PGPEP1L: variants seen among roughly 807,000 people sequenced by gnomAD.
PGPEP1L encodes the protein pyroglutamyl-peptidase 1-like protein.
PGPEP1L carries 7 observed loss-of-function variants against 6.0 expected under a neutral mutation model. That is an observed-to-expected ratio of 1.17 (90% confidence interval 0.66 to 2.19). PGPEP1L has a LOEUF of 2.19. PGPEP1L is among the 30% of genes most tolerant of loss of function. The pLI is 0.00. For missense variants in PGPEP1L, 209 were observed against 192.5 expected (o/e 1.09, Z -0.51); for synonymous variants, 103 against 83.9 (o/e 1.23, Z -1.24).
At position 99,007,344 on chromosome 15, in the gene PGPEP1L, GCTC is replaced by G. The variant is rs1370791558; in HGVS notation, c.-370+12_-370+14del. The G allele has an allele frequency of 6.6e-6, 1 of 152,238 alleles. No individual in the cohort carries two copies. Among genetic ancestry groups the G allele is most frequent in the Non-Finnish European group, 1.5e-5 (1 of 68,066 alleles). 9.4% of individuals were successfully genotyped at this position (152,238 alleles called of 1,614,324 possible). A position where few individuals can be genotyped will look rare whatever the true frequency, so the allele number is the denominator to read the frequency against. On this transcript the variant is annotated intron_variant, in intron 1 of 4. Transcript: ENST00000535714. ...CCTCCTCTGGTGAGCAGCTCTCCTA[GCTC>G]CTATCACTTACCTAGTTCCGTCATG...
chr15:99,003,057 G>C (rs1360845845), intron 2 of PGPEP1L, among the ~76,000 whole-genome samples: 9 of 152,178 alleles, frequency 5.9e-5, no homozygotes, highest in East Asian at 3.9e-4. Context: ...AAAACTTTCT[G>C]AGGGAATGAA....
At chr15:99,006,808 C>T (rs1294694157) in intron 1 of PGPEP1L, among the ~76,000 whole-genome samples, 1 of 150,402 alleles carries the variant, frequency 6.6e-6, no homozygotes, top group Non-Finnish European at 1.5e-5. Context: ...TAAAAATATT[C>T]TTAAACTTTT....
At position 98,968,352 on chromosome 15, in the gene PGPEP1L, G is replaced by C. The variant is rs2151752408; in HGVS notation, c.*126C>G. 2 of 905,862 alleles carry C rather than the reference G, an allele frequency of 2.2e-6. No individual in the cohort carries two copies. Among genetic ancestry groups the C allele is most frequent in the East Asian group, 2.7e-5 (1 of 37,676 alleles). The allele number at this position is 905,862 out of a possible 1,614,324, so 56.1% of individuals were successfully genotyped here. On this transcript the variant is annotated 3_prime_UTR_variant, in exon 5 of 5. Transcript: ENST00000535714. ...AAAATAACCCTTTGTGATTTTGTTG[G>C]GCTAATTCAGAGTTTTCCACCCTCT...
intron 2 of PGPEP1L, among the ~76,000 whole-genome samples, chr15:98,981,258 C>T (rs967622648): frequency 5.9e-5 from 9 of 151,878 alleles, no homozygotes; most frequent in Admixed American, 2.0e-4. Flanking sequence ...TTTGGGAGGC[C>T]GAGGCGGGCG....
At position 98,986,258 on chromosome 15, in the gene PGPEP1L, GA is replaced by G. The variant is rs1230940365; in HGVS notation, c.-141-15101del. Among the ~76,000 whole-genome samples, 5 of 152,266 alleles carry G rather than the reference GA, an allele frequency of 3.3e-5. No homozygotes were observed. The East Asian group carries it at 9.6e-4, about 29-fold the overall frequency. On this transcript the variant is annotated intron_variant, in intron 2 of 4. Coordinates refer to ENST00000535714, the MANE Select transcript of PGPEP1L (RefSeq NM_001167902.2). ...CATGTGGGCCCCTAAATAGCTTCAG[GA>G]TGGGATCTGGCCACCAGAAAAAAAC...
intron 2 of PGPEP1L, among the ~76,000 whole-genome samples, chr15:98,985,538 AAAACAAAC>A (rs201848273): frequency 6.6e-6 from 1 of 152,192 alleles, no homozygotes; most frequent in Non-Finnish European, 1.5e-5. Flanking sequence ...ACTCCATCTC[AAAACAAAC>A]AAACAAACAA....
At chr15:98,975,263 T>TA (rs944240612) in intron 2 of PGPEP1L, among the ~76,000 whole-genome samples, 2 of 152,122 alleles carry the variant, frequency 1.3e-5, no homozygotes, top group Non-Finnish European at 1.5e-5. Context: ...ATATGAAAGC[T>TA]AAAAAAGTTG....
chr15:99,001,299 G>A (rs2017965521), intron 2 of PGPEP1L: 2 of 247,854 alleles, frequency 8.1e-6, no homozygotes, highest in African/African-American at 2.3e-5. Context: ...AGAAGCCAGA[G>A]GCAAAGGACC....
intron 4 of PGPEP1L, among the ~76,000 whole-genome samples, chr15:98,968,902 C>T (rs1390076028): frequency 2.0e-5 from 3 of 152,222 alleles, no homozygotes; most frequent in South Asian, 2.1e-4. Flanking sequence ...GCCTCATGAC[C>T]GGCAAGTGGC....
intron 2 of PGPEP1L, among the ~76,000 whole-genome samples, chr15:99,003,246 TAATAAAAATAC>T (rs1555473271): frequency 6.9e-6 from 1 of 145,882 alleles, no homozygotes; most frequent in Non-Finnish European, 1.5e-5. Flanking sequence ...CCTCCTGGGA[TAATAAAAATAC>T]AATAAAAATG....
At chr15:98,995,282 A>G (rs2017872084) in intron 2 of PGPEP1L, among the ~76,000 whole-genome samples, 2 of 152,152 alleles carry the variant, frequency 1.3e-5, no homozygotes, top group Admixed American at 6.5e-5. Flanking sequence ...CTTCTAGTTC[A>G]CTAATTTTCT....
chr15:98,987,934 G>A (rs1157969105), intron 2 of PGPEP1L, among the ~76,000 whole-genome samples: 1 of 152,116 alleles, frequency 6.6e-6, no homozygotes, highest in Non-Finnish European at 1.5e-5. Context: ...ACTGTACTAG[G>A]AGGAACAGTG....
chr15:98,987,110 G>A (rs1323620109), intron 2 of PGPEP1L, among the ~76,000 whole-genome samples: 2 of 122,014 alleles, frequency 1.6e-5, no homozygotes, highest in African/African-American at 3.1e-5. Context: ...AGGTTGCAAT[G>A]AGCCAAGATT....
At chr15:98,989,376 G>C (rs1555471827) in intron 2 of PGPEP1L, among the ~76,000 whole-genome samples, 1 of 152,116 alleles carries the variant, frequency 6.6e-6, no homozygotes, top group African/African-American at 2.4e-5. Flanking sequence ...GTGGAAGAAA[G>C]GATATCAAAG....
chr15:98,982,978 TG>T (rs2017689719), intron 2 of PGPEP1L, among the ~76,000 whole-genome samples: 1 of 152,044 alleles, frequency 6.6e-6, no homozygotes, highest in Non-Finnish European at 1.5e-5. Context: ...CCCAAAGTGC[TG>T]GGATTATAGG....
intron 2 of PGPEP1L, among the ~76,000 whole-genome samples, chr15:98,980,081 A>G (rs1436819455): frequency 1.3e-5 from 2 of 152,182 alleles, no homozygotes; most frequent in African/African-American, 4.8e-5. Flanking sequence ...AATTGGGTTC[A>G]TGTATACTGC....
rs753213747 is a variant in PGPEP1L at position 98,969,510 on chromosome 15, G to A, written c.124C>T (p.Leu42=). The stretch of plus-strand genomic sequence containing the variant: ...GCCTTCATGCAGACCCCTGACTCCA[G>A]CACGTCTGGGCTGCCAGGTAGGCAC... ...GVCLPGSPDV[L]ESGVCMKAVC... is the part of the protein sequence containing the mutation. Residue 42 remains leucine, a synonymous_variant, in exon 4 of 5, where the codon CTG becomes TTG. Transcript: ENST00000535714. The A allele has an allele frequency of 2.9e-5, 46 of 1,613,928 alleles. No individual in the cohort carries two copies. The East Asian group carries it at 6.5e-4, about 23-fold the overall frequency.
rs1201587370 is a variant in PGPEP1L at position 99,005,448 on chromosome 15, G to A, written c.-161C>T. 2.6e-5 allele frequency: 4 copies of A among 152,570 alleles called. No individual in the cohort carries two copies. Among genetic ancestry groups the A allele is most frequent in the African/African-American group, 9.6e-5 (4 of 41,472 alleles). 9.5% of individuals were successfully genotyped at this position (152,570 alleles called of 1,614,324 possible). ...TCTTACCAGTCACCACCACGCAGCT[G>A]GGCTGGGAATCCATGAAGACGAAGT... On this transcript the variant is annotated 5_prime_UTR_variant, in exon 2 of 5. Transcript: ENST00000535714.
chr15:98,982,151 G>A (rs1270098485), intron 2 of PGPEP1L, among the ~76,000 whole-genome samples: 1 of 152,238 alleles, frequency 6.6e-6, no homozygotes, highest in African/African-American at 2.4e-5. Flanking sequence ...CACGGTGTTT[G>A]TGGGGAGGAC....
Sources: gnomAD v4.1 joint callset for allele counts (sites outside exome capture counted in the v4.1 genomes callset) on GRCh38, gnomAD v4.1.1 for gene constraint, MANE v1.5 for transcripts, NCBI Gene and HGNC (gene_info 2026-07-23, HGNC 2026-07-21) for gene names.